Variants in RBSN observed in about 807,000 individuals in gnomAD.
RBSN encodes rabenosyn, RAB effector, also known as rabenosyn-5.
Under a neutral mutation model 60.5 loss-of-function variants are expected in RBSN, and 34 were observed. The ratio of observed to expected loss-of-function variants is 0.56; its 90% CI spans 0.43 to 0.75. The LOEUF is 0.75. RBSN is among the 30% of genes least tolerant of loss of function. The pLI, the probability that RBSN is intolerant of heterozygous loss-of-function variation, is 0.00. For synonymous variants in RBSN, 322 were observed against 366.9 expected (o/e 0.88, Z 1.40); for missense variants, 845 against 986.8 (o/e 0.86, Z 1.92).
intron 13 of RBSN, chr3:15,075,398 C>T (rs1178424924): frequency 4.4e-6 from 3 of 679,016 alleles, no homozygotes; most frequent in South Asian, 1.5e-5. Context: ...TCAGCAGAAG[C>T]TCTGAAAGAA....
At chr3:15,080,852 C>T (rs1458704008) in intron 9 of RBSN, 50 bp from the exon 10 acceptor site, 11 of 1,466,032 alleles carry the variant, frequency 7.5e-6, no homozygotes, top group Admixed American at 1.7e-5. Context: ...TATAGAAACA[C>T]CTACCCAGAA....
Position 15,073,741 on chromosome 3 carries a change from T to C in RBSN, c.*41A>G. ...CCCTCTGTCCTGCTCCACTGGCTCC[T>C]GCCAGACCCCTGGGCCCAAAGGTGC... On this transcript the variant is annotated 3_prime_UTR_variant, in exon 14 of 14. Coordinates refer to ENST00000253699, the MANE Select transcript of RBSN (RefSeq NM_022340.4). The C allele has an allele frequency of 2.6e-6, 4 of 1,559,250 alleles. No homozygotes were observed. The highest frequency in any genetic ancestry group is 3.5e-6 in the Non-Finnish European group (4 of 1,155,508).
chr3:15,078,779 CATATATATATATATATATATATAT>C (rs57572763), intron 10 of RBSN, among the ~76,000 whole-genome samples: 7,858 of 50,916 alleles, frequency 0.15, 695 homozygotes, highest in African/African-American at 0.3. Flanking sequence ...AAAAAAAATA[CATATATATATATATATATATATAT>C]ATATATATAT....
rs1322762325 is a variant in RBSN, at chr3:15,077,373, A to G, written c.999-209T>C. Among the ~76,000 whole-genome samples, 1 of 152,202 alleles carries G rather than the reference A, an allele frequency of 6.6e-6. No homozygotes were observed. Among genetic ancestry groups the G allele is most frequent in the African/African-American group, 2.4e-5 (1 of 41,462 alleles). On this transcript the variant is annotated intron_variant, in intron 11 of 13. Transcript: ENST00000253699. This position sits in a 1 kb window ranked among gnomAD's most constrained non-coding sequence, Gnocchi z 4.4. ...TTAGCAAAGGGCGCACAACACTGTT[A>G]TGGAGTGACTGACTACACATGCAGA...
intron 13 of RBSN, 85 bp downstream of exon 13, chr3:15,075,521 C>A: frequency 9.3e-7 from 1 of 1,072,538 alleles, no homozygotes; most frequent in Non-Finnish European, 1.5e-6. Context: ...TTCACTACAA[C>A]CGCACACAAC....
intron 5 of RBSN, 135 bp downstream of exon 5, chr3:15,090,264 C>T (rs2043476141): frequency 1.1e-6 from 1 of 941,454 alleles, no homozygotes; most frequent in Non-Finnish European, 1.5e-6. Flanking sequence ...CTTCCCCCAG[C>T]AAGGGCATAA....
intron 4 of RBSN, among the ~76,000 whole-genome samples, chr3:15,093,494 C>T (rs1378061777): frequency 6.6e-6 from 1 of 152,172 alleles, no homozygotes; most frequent in African/African-American, 2.4e-5. Flanking sequence ...TGAGCTGAAG[C>T]GATCCTCCCA....
Position 15,084,906 on chromosome 3 carries a change from G to A in RBSN, c.437-10C>T, listed in dbSNP as rs372735828. 4.0e-5 allele frequency: 64 copies of A among 1,613,094 alleles called. No homozygotes were observed. In the African/African-American group the frequency reaches 7.9e-4, roughly 20 times the overall value. On this transcript the variant is annotated splice_polypyrimidine_tract_variant and intron_variant, in intron 7 of 13. Transcript: ENST00000253699. The surrounding 1 kb of genome is among the most constrained non-coding windows in gnomAD (Gnocchi z 4.2). ...ACAGACTTTTCTATTGCTTTGGGAA[G>A]AGCAAACCAACAAGAAAGCAGGCCA...
At chr3:15,091,584 A>C in intron 4 of RBSN, 1 of 967,860 alleles carries the variant, frequency 1.0e-6, no homozygotes, top group Admixed American at 3.0e-5. Context: ...GGTACAACGC[A>C]AAGTGCTTGC....
chr3:15,077,228 T>C lies in RBSN; in HGVS notation c.999-64A>G. 1 of 1,393,786 alleles carries C rather than the reference T, an allele frequency of 7.2e-7. No individual in the cohort carries two copies. Among genetic ancestry groups the C allele is most frequent in the Admixed American group, 1.7e-5 (1 of 59,446 alleles). 86.3% of individuals were successfully genotyped at this position (1,393,786 alleles called of 1,614,324 possible). On this transcript the variant is annotated intron_variant, in intron 11 of 13. Transcript: ENST00000253699. This position sits in a 1 kb window ranked among gnomAD's most constrained non-coding sequence, Gnocchi z 4.4. ...CAGCTTCAGAAACAAGGGTGAAAAGTATAACATCTGGAGTTGCCAGGCTTT... is the reference window on the plus strand; with the variant it reads ...CAGCTTCAGAAACAAGGGTGAAAAGCATAACATCTGGAGTTGCCAGGCTTT...
chr3:15,075,219 C>CGGCGACCA, intron 13 of RBSN: 2 of 469,424 alleles, frequency 4.3e-6, no homozygotes, highest in Non-Finnish European at 7.6e-6. Context: ...AAGGTCTGTT[C>CGGCGACCA]CCCTCATCTA....
intron 4 of RBSN, among the ~76,000 whole-genome samples, chr3:15,092,718 A>G (rs550211665): frequency 4.0e-4 from 61 of 152,320 alleles, no homozygotes; most frequent in Non-Finnish European, 7.4e-4. Flanking sequence ...GGCCTAAAGC[A>G]GTCTTTTCTA....
chr3:15,092,123 C>T (rs2043532200), intron 4 of RBSN, among the ~76,000 whole-genome samples: 1 of 152,106 alleles, frequency 6.6e-6, no homozygotes, highest in African/African-American at 2.4e-5. Context: ...CTCAAGCGAT[C>T]CTCTCGCCTC....
intron 12 of RBSN, 80 bp from the exon 13 acceptor site, chr3:15,075,790 C>T: frequency 8.6e-7 from 1 of 1,159,696 alleles, no homozygotes; most frequent in Admixed American, 1.7e-5. Context: ...TGAGAGTCTG[C>T]TTAAGCTGAG....
chr3:15,093,942 C>T (rs535305975), intron 4 of RBSN, among the ~76,000 whole-genome samples: 2 of 152,046 alleles, frequency 1.3e-5, no homozygotes, highest in South Asian at 2.1e-4. Context: ...TAAGCTGAAG[C>T]GATCCTCCCG....
rs747173433 is a variant in RBSN, at chr3:15,084,802, G to A, written c.531C>T (p.His177=). The A allele has an allele frequency of 3.1e-6, 5 of 1,614,098 alleles. No individual in the cohort carries two copies. The highest frequency in any genetic ancestry group is 1.7e-5 in the Admixed American group (1 of 60,002). Residue 177 remains histidine, a synonymous_variant, in exon 8 of 14, where the codon CAC becomes CAT. Transcript: ENST00000253699. The surrounding 1 kb of genome is among the most constrained non-coding windows in gnomAD (Gnocchi z 4.2). ...TAATAGACCCGCAGAGGCGGCAGTGGTGGCGGCGGTTCCGGATGCTGAACT... is the reference window on the plus strand; with the variant it reads ...TAATAGACCCGCAGAGGCGGCAGTGATGGCGGCGGTTCCGGATGCTGAACT... The part of the protein sequence containing the change: ...GNKFSIRNRR[H]HCRLCGSIMC...
chr3:15,088,111 A>G (rs956958923), intron 5 of RBSN, among the ~76,000 whole-genome samples: 9 of 152,224 alleles, frequency 5.9e-5, no homozygotes, highest in Non-Finnish European at 1.3e-4. Context: ...CACCCTAGTA[A>G]TCTCACATTG....
In RBSN at chr3:15,074,308, C is replaced by T. The variant is rs566679794; in HGVS notation, c.1829G>A (p.Arg610His). ...CTGTGGCATGCTGCTCTGGGGTAAG[C>T]GCTCCTGGCCAACGGCTGGGGGCCC... ...WSGPPAVGQE[R>H]LPQSSMPQQH... is the part of the protein sequence containing the mutation. The change falls in exon 14 of 14, where the codon CGC becomes CAC. Residue 610 changes from arginine (R) to histidine (H), a missense_variant. Arg to His is a conservative substitution (Grantham distance 29). Coordinates refer to ENST00000253699, the MANE Select transcript of RBSN (RefSeq NM_022340.4). The surrounding 1 kb of genome is among the most constrained non-coding windows in gnomAD (Gnocchi z 6.4). The T allele has an allele frequency of 4.4e-5, 71 of 1,614,050 alleles. No individual in the cohort carries two copies. The highest frequency in any genetic ancestry group is 2.5e-4 in the South Asian group (23 of 91,078).
intron 4 of RBSN, among the ~76,000 whole-genome samples, chr3:15,092,101 T>TG (rs150595150): frequency 0.081 from 12,358 of 152,198 alleles, 681 homozygotes; most frequent in African/African-American, 0.15. Context: ...ACTGCAGCCT[T>TG]GATCTCTTGG....
Sources: allele counts gnomAD v4.1 joint callset (sites outside exome capture counted in the v4.1 genomes callset), GRCh38; gene constraint gnomAD v4.1.1; non-coding constraint Gnocchi (gnomAD v3.1); transcripts MANE v1.5; gene names NCBI Gene and HGNC (gene_info 2026-07-23, HGNC 2026-07-21).